SOX6: variants seen among roughly 807,000 people sequenced by gnomAD.
SOX6 encodes transcription factor SOX-6.
In SOX6, 11 loss-of-function variants were observed where a neutral mutation model predicts 97.8. That is an observed-to-expected ratio of 0.11 (90% CI 0.07 to 0.19). The LOEUF (loss-of-function observed/expected upper bound fraction) is 0.19, where lower values mean the gene tolerates loss of function less well. SOX6 is among the 10% of genes least tolerant of loss of function. SOX6 has a pLI of 1.00. For synonymous variants in SOX6, 360 were observed against 371.4 expected, an observed-to-expected ratio of 0.97 and a Z score of 0.35; for missense variants, 810 against 1,039.5, an observed-to-expected ratio of 0.78 and a Z score of 3.04.
chr11:16,579,153 T>G (rs1472755590), intron 4 of SOX6, among the ~76,000 whole-genome samples: 1 of 152,052 alleles, frequency 6.6e-6, no homozygotes, highest in Non-Finnish European at 1.5e-5. Context: ...CATATGAACA[T>G]GAACACATAG....
intron 4 of SOX6, among the ~76,000 whole-genome samples, chr11:16,518,528 G>T (rs1201503062): frequency 6.6e-6 from 1 of 152,110 alleles, no homozygotes; most frequent in East Asian, 1.9e-4. Flanking sequence ...GAGAAGACTT[G>T]TCTTATTTAT....
At chr11:16,448,466 A>G (rs1859654372) in intron 1 of SOX6, among the ~76,000 whole-genome samples, 1 of 152,160 alleles carries the variant, frequency 6.6e-6, no homozygotes, top group South Asian at 2.1e-4. Context: ...GCAATAAAAA[A>G]AGTGCAATTT....
chr11:16,666,302 A>T (rs1847806626), intron 3 of SOX6, among the ~76,000 whole-genome samples: 1 of 152,230 alleles, frequency 6.6e-6, no homozygotes, highest in Non-Finnish European at 1.5e-5. Context: ...TGTTTGAGGA[A>T]ACTCAATAAA....
chr11:16,132,505 A>AAAGAAAGAAAGAAAGAAAGCAAGC lies in SOX6; in HGVS notation c.778-20583_778-20582insGCTTGCTTTCTTTCTTTCTTTCTT, dbSNP rs1451899878. On this transcript the variant is annotated intron_variant, in intron 6 of 15. Coordinates refer to ENST00000683767, the MANE Select transcript of SOX6 (RefSeq NM_001367873.1). ...GAAAGAAAGAAAGAAAGAAAGAAAG[A>AAAGAAAGAAAGAAAGAAAGCAAGC]AAGCTTATCTTTGTATCTAGGAAGA... Among the ~76,000 whole-genome samples the AAAGAAAGAAAGAAAGAAAGCAAGC allele has an allele frequency of 2.1e-4, 18 of 86,212 alleles. 3 individuals are homozygous for AAAGAAAGAAAGAAAGAAAGCAAGC. Among genetic ancestry groups the AAAGAAAGAAAGAAAGAAAGCAAGC allele is most frequent in the Non-Finnish European group, 2.6e-4 (10 of 38,488 alleles). 56.6% of individuals were successfully genotyped at this position (86,212 alleles called of 152,430 possible).
intron 4 of SOX6, among the ~76,000 whole-genome samples, chr11:16,202,627 A>T (rs1022970572): frequency 2.6e-5 from 4 of 152,166 alleles, no homozygotes; most frequent in Non-Finnish European, 4.4e-5. Context: ...TTCCCCAATC[A>T]TATGAGCAGG....
intron 4 of SOX6, among the ~76,000 whole-genome samples, chr11:16,561,990 G>A (rs980770271): frequency 6.6e-6 from 1 of 152,090 alleles, no homozygotes; most frequent in Non-Finnish European, 1.5e-5. Context: ...GTCTCCCAAA[G>A]TATAAGGATT....
chr11:16,571,879 C>T lies in SOX6; in HGVS notation n.609+40202G>A, dbSNP rs189767359. Among the ~76,000 whole-genome samples, 334 of 152,306 alleles carry T rather than the reference C, an allele frequency of 2.2e-3. 1 individual carries two copies. Among genetic ancestry groups the T allele is most frequent in the African/African-American group, 7.7e-3 (320 of 41,576 alleles). ...TGTTGGCCAGGCTGGTCTCAAACTC[C>T]TGACCTCAAGTGACCCACCCACTTT... On this transcript the variant is annotated intron_variant and non_coding_transcript_variant, in intron 4 of 5. Transcript: ENST00000524520.
intron 3 of SOX6, chr11:16,316,943 T>G (rs1466050198): frequency 1.3e-5 from 2 of 152,064 alleles, no homozygotes; most frequent in African/African-American, 4.8e-5. Context: ...TACTTGTTCA[T>G]ATTTCAAATA....
In SOX6 at chr11:16,654,348, G is replaced by A. The variant is rs1418831047; in HGVS notation, n.430-42088C>T. On this transcript the variant is annotated intron_variant and non_coding_transcript_variant, in intron 3 of 5. Coordinates refer to the SOX6 transcript ENST00000524520. ...CATGCTTGGCTAATTTTGTGTGTGTGTGTTTGTGGTGACAAGGACTCACTT... is the reference window on the plus strand; with the variant it reads ...CATGCTTGGCTAATTTTGTGTGTGTATGTTTGTGGTGACAAGGACTCACTT... 2.0e-5 allele frequency among the ~76,000 whole-genome samples: 3 copies of A among 152,108 alleles called. No homozygotes were observed. The East Asian group carries it at 5.8e-4, about 29-fold the overall frequency.
At chr11:16,222,372 C>T (rs1242069459) in intron 4 of SOX6, among the ~76,000 whole-genome samples, 1 of 151,966 alleles carries the variant, frequency 6.6e-6, no homozygotes, top group African/African-American at 2.4e-5. Flanking sequence ...GTCACCACAC[C>T]CAGCTACTTT....
chr11:16,360,383 C>A (rs1005068666), upstream of SOX6, among the ~76,000 whole-genome samples: 6 of 152,170 alleles, frequency 3.9e-5, no homozygotes, highest in Admixed American at 3.9e-4. Context: ...CTTACTTCTT[C>A]CAGAAGCCTG....
intron 1 of SOX6, among the ~76,000 whole-genome samples, chr11:16,352,492 T>C (rs761785328): frequency 2.6e-5 from 4 of 152,110 alleles, no homozygotes; most frequent in Non-Finnish European, 4.4e-5. Context: ...GGCACAAAAC[T>C]GTTTATTAAA....
intron 2 of SOX6, among the ~76,000 whole-genome samples, chr11:16,319,711 A>T (rs767053182): frequency 6.6e-6 from 1 of 152,054 alleles, no homozygotes; most frequent in Non-Finnish European, 1.5e-5. Flanking sequence ...CATTGTGTAT[A>T]TGTGCCACCT....
At chr11:16,236,082 C>A (rs1853011449) in intron 3 of SOX6, among the ~76,000 whole-genome samples, 1 of 151,950 alleles carries the variant, frequency 6.6e-6, no homozygotes, top group South Asian at 2.1e-4. Flanking sequence ...CTTACTTCTT[C>A]CCTCCCGTTT....
intron 1 of SOX6, among the ~76,000 whole-genome samples, chr11:16,413,597 T>C (rs1034515820): frequency 6.9e-6 from 1 of 145,690 alleles, no homozygotes; most frequent in Non-Finnish European, 1.5e-5. Context: ...CTCGGCTCAC[T>C]GCAACCTCTG....
chr11:16,668,435 T>G (rs994946951), intron 3 of SOX6, among the ~76,000 whole-genome samples: 2 of 151,756 alleles, frequency 1.3e-5, no homozygotes, highest in African/African-American at 4.8e-5. Context: ...AAATTAAAAA[T>G]TATCATCTGA....
chr11:16,384,585 T>C (rs1457506893), intron 1 of SOX6, among the ~76,000 whole-genome samples: 2 of 151,798 alleles, frequency 1.3e-5, no homozygotes, highest in Non-Finnish European at 2.9e-5. Flanking sequence ...ACACCCTCAA[T>C]TTTAGAGTAA....
At chr11:16,522,868 T>C (rs911598691) in intron 4 of SOX6, among the ~76,000 whole-genome samples, 5 of 151,810 alleles carry the variant, frequency 3.3e-5, no homozygotes, top group African/African-American at 1.2e-4. Flanking sequence ...CCAACAAAGA[T>C]CAAAAGAGAC....
chr11:16,291,617 C>T (rs1042067258), intron 3 of SOX6, among the ~76,000 whole-genome samples: 1 of 151,808 alleles, frequency 6.6e-6, no homozygotes, highest in Admixed American at 6.6e-5. Flanking sequence ...AGTTAAGAGG[C>T]AAAAGCAGAA....
Sources: gnomAD v4.1 joint callset for allele counts (sites outside exome capture counted in the v4.1 genomes callset) on GRCh38, gnomAD v4.1.1 for gene constraint, MANE v1.5 for transcripts, NCBI Gene and HGNC (gene_info 2026-07-23, HGNC 2026-07-21) for gene names.